The following PDE9A variants were observed in gnomAD, a reference collection of about 807,000 sequenced individuals.
The protein encoded by PDE9A is high affinity cGMP-specific 3',5'-cyclic phosphodiesterase 9A.
Under a neutral mutation model 87.4 loss-of-function variants are expected in PDE9A, and 60 were observed. The ratio of observed to expected loss-of-function variants is 0.69; its 90% CI spans 0.56 to 0.85. The LOEUF (loss-of-function observed/expected upper bound fraction) is 0.85. Among genes scored for constraint, PDE9A ranks in the 40% least tolerant of loss-of-function variants. The pLI is 0.00. For synonymous variants in PDE9A, 272 were observed against 279.4 expected (o/e 0.97, Z 0.27); for missense variants, 665 against 779.0 (o/e 0.85, Z 1.74).
At chr21:42,736,060 G>A (rs1364829795) in intron 7 of PDE9A, among the ~76,000 whole-genome samples, 3 of 152,056 alleles carry the variant, frequency 2.0e-5, no homozygotes, top group Non-Finnish European at 2.9e-5. Flanking sequence ...ATGCCCGCGG[G>A]CAGCAGGTGC....
chr21:42,705,430 G>A lies in PDE9A; in HGVS notation c.262+6419G>A, dbSNP rs11909344. 7.1e-3 allele frequency among the ~76,000 whole-genome samples: 1,077 copies of A among 152,236 alleles called. 11 individuals carry two copies. Among genetic ancestry groups the A allele is most frequent in the African/African-American group, 0.024 (1,011 of 41,536 alleles). On this transcript the variant is annotated intron_variant, in intron 4 of 19. Coordinates refer to ENST00000291539, the MANE Select transcript of PDE9A (RefSeq NM_002606.3). The surrounding 1 kb of genome is among the most constrained non-coding windows in gnomAD (Gnocchi z 4.3). ...TGATGGCGGTTGACGGGTGTCCCCCGAGTGCCCTCGGCTGCCAGGAGCTGG... is the reference window on the plus strand; with the variant it reads ...TGATGGCGGTTGACGGGTGTCCCCCAAGTGCCCTCGGCTGCCAGGAGCTGG...
At chr21:42,743,895 C>T in intron 8 of PDE9A, 35 bp downstream of exon 8, 1 of 1,250,240 alleles carries the variant, frequency 8.0e-7, no homozygotes, top group Admixed American at 2.0e-5. Flanking sequence ...GCGGCCGGGC[C>T]TGGGGAGGGC....
rs942019135 is a variant in PDE9A at position 42,760,535 on chromosome 21, G to A, written c.1002+103G>A. 12 of 739,874 alleles carry A rather than the reference G, an allele frequency of 1.6e-5. No homozygotes were observed. Among genetic ancestry groups the A allele is most frequent in the East Asian group, 2.7e-5 (1 of 37,182 alleles). The allele number at this position is 739,874 out of a possible 1,614,324, so 45.8% of individuals were successfully genotyped here. A position where few individuals can be genotyped will look rare whatever the true frequency, so the allele number is the denominator to read the frequency against. ...CCATCCCACCAAGAGAGCCACAGGC[G>A]TGGGGTCCCCAGCCGCTCCGCCCCT... is the stretch of plus-strand genomic sequence containing the variant. On this transcript the variant is annotated intron_variant, in intron 12 of 19. Coordinates refer to ENST00000291539, the MANE Select transcript of PDE9A (RefSeq NM_002606.3). This position sits in a 1 kb window ranked among gnomAD's most constrained non-coding sequence, Gnocchi z 5.2.
At chr21:42,753,872 A>C (rs2054701268) in intron 9 of PDE9A, 118 bp from the exon 10 acceptor site, 1 of 604,266 alleles carries the variant, frequency 1.7e-6, no homozygotes, top group African/African-American at 1.9e-5. Context: ...AAAAAAAAAA[A>C]AAAAAAGAAA....
In PDE9A at chr21:42,723,787, C is replaced by T. The variant is rs533149571; in HGVS notation, c.263-7983C>T. On this transcript the variant is annotated intron_variant, in intron 4 of 19. Transcript: ENST00000291539. The surrounding 1 kb of genome is among the most constrained non-coding windows in gnomAD (Gnocchi z 4.3). ...TGCAATCTCCCGATTTGCTCAAAAACTTCCAGGTCCAGAGGGACCCTAAAG... is the reference window on the plus strand; with the variant it reads ...TGCAATCTCCCGATTTGCTCAAAAATTTCCAGGTCCAGAGGGACCCTAAAG... Among the ~76,000 whole-genome samples, 1 of 152,330 alleles carries T rather than the reference C, an allele frequency of 6.6e-6. No individual in the cohort carries two copies. The highest frequency in any genetic ancestry group is 2.4e-5 in the African/African-American group (1 of 41,576).
At chr21:42,737,633 T>C (rs2052601881) in intron 7 of PDE9A, among the ~76,000 whole-genome samples, 1 of 152,178 alleles carries the variant, frequency 6.6e-6, no homozygotes, top group Middle Eastern at 3.2e-3. Flanking sequence ...AATTTTTGTA[T>C]TTTTAGTAGA....
intron 9 of PDE9A, among the ~76,000 whole-genome samples, chr21:42,753,093 C>A (rs2284968): frequency 0.68 from 102,948 of 151,820 alleles, 35,589 homozygotes; most frequent in East Asian, 0.86. Context: ...TGCAACCTCC[C>A]CCTCCTGGGT....
Position 42,670,302 on chromosome 21 carries a change from T to C in PDE9A, c.70-15890T>C, listed in dbSNP as rs567673843. On this transcript the variant is annotated intron_variant, in intron 1 of 19. Transcript: ENST00000291539. ...ATTCACACATACACATTCACACACA[T>C]ACACTTAGACACCACACTCACATTC... 7.2e-5 allele frequency among the ~76,000 whole-genome samples: 10 copies of C among 139,688 alleles called. 1 individual carries two copies. The highest frequency in any genetic ancestry group is 1.8e-4 in the African/African-American group (6 of 32,608). 91.6% of individuals were successfully genotyped at this position (139,688 alleles called of 152,430 possible).
chr21:42,704,769 G>A lies in PDE9A; in HGVS notation c.262+5758G>A, dbSNP rs568209241. Among the ~76,000 whole-genome samples, 1 of 152,116 alleles carries A rather than the reference G, an allele frequency of 6.6e-6. No homozygotes were observed. The highest frequency in any genetic ancestry group is 2.4e-5 in the African/African-American group (1 of 41,418). On this transcript the variant is annotated intron_variant, in intron 4 of 19. Transcript: ENST00000291539. This position sits in a 1 kb window ranked among gnomAD's most constrained non-coding sequence, Gnocchi z 5.3. ...CTCAGGGGGTGGGGGGTGGGGGCAGGGTGCAGGGAGGCCAACGCCACACAG... is the reference window on the plus strand; with the variant it reads ...CTCAGGGGGTGGGGGGTGGGGGCAGAGTGCAGGGAGGCCAACGCCACACAG...
intron 1 of PDE9A, among the ~76,000 whole-genome samples, chr21:42,661,506 G>A (rs1313435739): frequency 6.6e-6 from 1 of 150,794 alleles, no homozygotes; most frequent in African/African-American, 2.4e-5. Flanking sequence ...TGCTGTGCCT[G>A]GCCTCCTTCA....
In PDE9A at chr21:42,705,363, C is replaced by CA. The variant is rs1358825549; in HGVS notation, c.262+6355dup. Among the ~76,000 whole-genome samples the CA allele has an allele frequency of 6.6e-6, 1 of 152,186 alleles. No individual in the cohort carries two copies. The highest frequency in any genetic ancestry group is 1.5e-5 in the Non-Finnish European group (1 of 68,028). ...TTATTTGATGTAAGCCGCTCAAACT[C>CA]AAAGAGTGTTGTTTTCCAGATTATA... On this transcript the variant is annotated intron_variant, in intron 4 of 19. Transcript: ENST00000291539. This position sits in a 1 kb window ranked among gnomAD's most constrained non-coding sequence, Gnocchi z 4.3.
chr21:42,693,588 C>CTTT (rs371936659), intron 3 of PDE9A, among the ~76,000 whole-genome samples: 4 of 124,372 alleles, frequency 3.2e-5, no homozygotes, highest in African/African-American at 6.5e-5. Context: ...CCGCGTCCTA[C>CTTT]TTTTTTTTTT....
intron 7 of PDE9A, among the ~76,000 whole-genome samples, chr21:42,736,463 A>C (rs899414969): frequency 6.6e-6 from 1 of 152,152 alleles, no homozygotes; most frequent in African/African-American, 2.4e-5. Flanking sequence ...TCTTCCCATA[A>C]AACCCTCAGT....
intron 1 of PDE9A, among the ~76,000 whole-genome samples, chr21:42,661,276 G>A (rs946221040): frequency 1.3e-5 from 2 of 151,366 alleles, no homozygotes; most frequent in South Asian, 4.2e-4. Context: ...TGATCCGCCC[G>A]CCTCAGCCTC....
At position 42,659,064 on chromosome 21, in the gene PDE9A, G is replaced by A. The variant is rs2057297810; in HGVS notation, c.69+5181G>A. ...TTTTCAACCAGCAATCAGCCATGAAGTGCCTGACCACTTGAGAGCTACAGC... is the reference window on the plus strand; with the variant it reads ...TTTTCAACCAGCAATCAGCCATGAAATGCCTGACCACTTGAGAGCTACAGC... On this transcript the variant is annotated intron_variant, in intron 1 of 19. Coordinates refer to ENST00000291539, the MANE Select transcript of PDE9A (RefSeq NM_002606.3). This position sits in a 1 kb window ranked among gnomAD's most constrained non-coding sequence, Gnocchi z 4.1. Among the ~76,000 whole-genome samples, 1 of 152,198 alleles carries A rather than the reference G, an allele frequency of 6.6e-6. No individual in the cohort carries two copies. The highest frequency in any genetic ancestry group is 2.1e-4 in the South Asian group (1 of 4,830).
At chr21:42,666,612 G>C (rs1179631348) in intron 1 of PDE9A, among the ~76,000 whole-genome samples, 4 of 152,212 alleles carry the variant, frequency 2.6e-5, no homozygotes, top group Non-Finnish European at 5.9e-5. Context: ...CAGCAGGGCT[G>C]GTTCCTGAGG....
intron 6 of PDE9A, among the ~76,000 whole-genome samples, chr21:42,732,575 G>A (rs1450703054): frequency 6.6e-6 from 1 of 152,168 alleles, no homozygotes; most frequent in Non-Finnish European, 1.5e-5. Flanking sequence ...TTACTGCCCA[G>A]GTTAATTAAA....
chr21:42,708,358 A>T (rs1304251748), intron 4 of PDE9A, among the ~76,000 whole-genome samples: 2 of 152,166 alleles, frequency 1.3e-5, no homozygotes, highest in Non-Finnish European at 2.9e-5. Flanking sequence ...TCCTGACGGC[A>T]GATTTGAGTA....
intron 13 of PDE9A, among the ~76,000 whole-genome samples, chr21:42,761,350 G>C (rs1469890524): frequency 6.6e-6 from 1 of 152,238 alleles, no homozygotes; most frequent in Non-Finnish European, 1.5e-5. Context: ...AGCAGAAGAG[G>C]GGGAGAAGAG....
Sources: gnomAD v4.1 joint callset for allele counts (sites outside exome capture counted in the v4.1 genomes callset) on GRCh38, gnomAD v4.1.1 for gene constraint, Gnocchi (gnomAD v3.1) non-coding constraint, MANE v1.5 for transcripts, NCBI Gene and HGNC (gene_info 2026-07-23, HGNC 2026-07-21) for gene names.